KLF17: variants seen among roughly 807,000 people sequenced by gnomAD.
The protein encoded by KLF17 is KLF transcription factor 17.
Under a neutral mutation model 34.2 loss-of-function variants are expected in KLF17, and 31 were observed. The ratio of observed to expected loss-of-function variants is 0.91; its 90% CI spans 0.68 to 1.22. The LOEUF is 1.22. Ranked by LOEUF, KLF17 falls within the 50% of genes most tolerant of loss-of-function variation. KLF17 has a pLI of 0.00. For synonymous variants in KLF17, 179 were observed against 186.7 expected (o/e 0.96, Z 0.34); for missense variants, 478 against 505.2 (o/e 0.95, Z 0.52).
At chr1:44,095,555 C>G in the KLF17 span, among the ~76,000 whole-genome samples, 35 of 152,208 alleles carry the variant, frequency 2.3e-4, no homozygotes, top group East Asian at 5.4e-3. Flanking sequence ...TTCTTCTATC[C>G]AAATTATTGG....
At chr1:44,103,841 C>T in the KLF17 span, 4 of 794,082 alleles carry the variant, frequency 5.0e-6, no homozygotes, top group South Asian at 4.0e-5. Flanking sequence ...CACTGATGTT[C>T]CAGTTTATCT....
At chr1:44,067,156 C>T in the KLF17 span, among the ~76,000 whole-genome samples, 1 of 152,006 alleles carries the variant, frequency 6.6e-6, no homozygotes, top group Non-Finnish European at 1.5e-5. Flanking sequence ...TCATTGCCTT[C>T]AAACTCAACT....
chr1:44,124,578 T>C (rs2154311537), intron 1 of KLF17, among the ~76,000 whole-genome samples: 1 of 148,692 alleles, frequency 6.7e-6, no homozygotes, highest in South Asian at 2.1e-4. Context: ...CACTGCAGGC[T>C]CCGCCCCCGG....
chr1:44,066,950 A>C, the KLF17 span, among the ~76,000 whole-genome samples: 1 of 152,278 alleles, frequency 6.6e-6, no homozygotes, highest in East Asian at 1.9e-4. Flanking sequence ...AAACAAGCAA[A>C]ACAAAACAAT....
Position 44,130,258 on chromosome 1 carries a change from G to A in KLF17, c.925+62G>A, listed in dbSNP as rs2088091843. 7.8e-6 allele frequency: 12 copies of A among 1,545,054 alleles called. No homozygotes were observed. The Middle Eastern group carries it at 7.0e-4, about 90-fold the overall frequency. On this transcript the variant is annotated intron_variant, in intron 2 of 3. Coordinates refer to ENST00000372299, the MANE Select transcript of KLF17 (RefSeq NM_173484.4). ...TCTCTGGGCTTTAGATTTGTCCTGG[G>A]CCACTGGTGGGTAATTGTTTGGGAT...
At chr1:44,072,604 G>A in the KLF17 span, among the ~76,000 whole-genome samples, 30 of 152,156 alleles carry the variant, frequency 2.0e-4, no homozygotes, top group African/African-American at 7.0e-4. Context: ...GGGAGGCTGA[G>A]GCAAGAGGAT....
At chr1:44,064,763 T>C in the KLF17 span, among the ~76,000 whole-genome samples, 1 of 152,232 alleles carries the variant, frequency 6.6e-6, no homozygotes, top group African/African-American at 2.4e-5. Flanking sequence ...AAATGTCCTT[T>C]GCTTTATATG....
In KLF17 at chr1:44,130,682, C is replaced by A; in HGVS notation, c.1096C>A (p.Arg366=). Residue 366 remains arginine (R), a synonymous_variant, in exon 3 of 4, where the codon CGG becomes AGG. Coordinates refer to ENST00000372299, the MANE Select transcript of KLF17 (RefSeq NM_173484.4). ...DHLKQHQKTH[R]PGPSDPQANN... is the part of the protein sequence containing the mutation. ...TCTCAAGCAACACCAGAAGACTCAT[C>A]GGCCGGGACCCTCAGACCCACAGGC... is the stretch of plus-strand genomic sequence containing the variant. 1 of 1,613,706 alleles carries A rather than the reference C, an allele frequency of 6.2e-7. No individual in the cohort carries two copies. Among genetic ancestry groups the A allele is most frequent in the Non-Finnish European group, 8.5e-7 (1 of 1,179,894 alleles).
the KLF17 span, among the ~76,000 whole-genome samples, chr1:44,069,512 G>GAGAGAGAAAGA: frequency 8.7e-6 from 1 of 114,548 alleles, no homozygotes; most frequent in African/African-American, 4.1e-5. The surrounding 1 kb of genome is among the most constrained non-coding windows in gnomAD (Gnocchi z 4.7). Flanking sequence ...GAGAGAGAGA[G>GAGAGAGAAAGA]AAGACAGGAG....
At chr1:44,122,576 G>A (rs907230049) in intron 1 of KLF17, 22 of 751,424 alleles carry the variant, frequency 2.9e-5, no homozygotes, top group African/African-American at 5.3e-5. Flanking sequence ...AATACTGACC[G>A]ACTGCAGTAT....
At chr1:44,100,079 T>TACACACAC in the KLF17 span, among the ~76,000 whole-genome samples, 1,820 of 138,598 alleles carry the variant, frequency 0.013, 35 homozygotes, top group African/African-American at 0.044. Context: ...CTACTAAAAA[T>TACACACAC]ACACACACAC....
the KLF17 span, among the ~76,000 whole-genome samples, chr1:44,089,272 C>T: frequency 1.3e-5 from 2 of 152,126 alleles, no homozygotes; most frequent in African/African-American, 4.8e-5. Flanking sequence ...ATCTGAGGTG[C>T]AAGAAGCTTA....
chr1:44,063,205 G>A, the KLF17 span, among the ~76,000 whole-genome samples: 1 of 152,220 alleles, frequency 6.6e-6, no homozygotes, highest in African/African-American at 2.4e-5. Flanking sequence ...AACCTATAGT[G>A]GTAGTGGCCA....
the KLF17 span, among the ~76,000 whole-genome samples, chr1:44,056,022 ACT>A: frequency 6.6e-6 from 1 of 151,814 alleles, no homozygotes; most frequent in East Asian, 1.9e-4. Flanking sequence ...TTATACCCAG[ACT>A]CTCAGTACAT....
chr1:44,059,800 T>C, the KLF17 span, among the ~76,000 whole-genome samples: 8 of 152,008 alleles, frequency 5.3e-5, no homozygotes, highest in Admixed American at 5.3e-4. Context: ...GATCCAAATC[T>C]AGTTGCCAAG....
chr1:44,113,058 C>A, the KLF17 span, among the ~76,000 whole-genome samples: 2 of 152,208 alleles, frequency 1.3e-5, no homozygotes, highest in African/African-American at 4.8e-5. Flanking sequence ...GTAACTGCTT[C>A]CTGGACATTC....
the KLF17 span, chr1:44,045,045 C>T: frequency 5.3e-5 from 8 of 152,296 alleles, no homozygotes; most frequent in Middle Eastern, 3.4e-3. Flanking sequence ...TGAAGAATGG[C>T]TCTGCCTTGG....
upstream of KLF17, chr1:44,117,469 A>T (rs866603438): frequency 3.8e-3 from 469 of 123,874 alleles, 2 homozygotes; most frequent in African/African-American, 0.015. Context: ...TATTTTATTT[A>T]TTTTATTTTA....
At chr1:44,056,204 C>T in the KLF17 span, among the ~76,000 whole-genome samples, 73 of 152,268 alleles carry the variant, frequency 4.8e-4, no homozygotes, top group African/African-American at 1.7e-3. Flanking sequence ...ATGGAGATGA[C>T]CTATTACTCT....
Sources: gnomAD v4.1 joint callset for allele counts (sites outside exome capture counted in the v4.1 genomes callset) on GRCh38, gnomAD v4.1.1 for gene constraint, Gnocchi (gnomAD v3.1) non-coding constraint, MANE v1.5 for transcripts, NCBI Gene and HGNC (gene_info 2026-07-23, HGNC 2026-07-21) for gene names.